Variants in OR52A5 observed in about 807,000 individuals in gnomAD.
OR52A5 encodes olfactory receptor 52A5.
Under a neutral mutation model 18.2 loss-of-function variants are expected in OR52A5, and 16 were observed. That is an observed-to-expected ratio of 0.88 (90% CI 0.60 to 1.34). OR52A5 has a LOEUF of 1.34. Ranked by LOEUF, OR52A5 falls within the 40% of genes most tolerant of loss-of-function variation. The pLI, the probability that OR52A5 is intolerant of heterozygous loss-of-function variation, is 0.00. For missense variants in OR52A5, 418 were observed against 383.0 expected (o/e 1.09, Z -0.76); for synonymous variants, 140 against 137.2 (o/e 1.02, Z -0.14).
rs578158820 is a variant in OR52A5 at position 5,136,643 on chromosome 11, C to T, written c.-61+1668G>A. On this transcript the variant is annotated intron_variant, in intron 1 of 1. Transcript: ENST00000307388. The stretch of plus-strand genomic sequence containing the variant: ...TTTATGTATGTTAAATCAAACTGGG[C>T]AGAATAAAACTGGGTATTGAGGGAA... 7.2e-5 allele frequency among the ~76,000 whole-genome samples: 11 copies of T among 152,040 alleles called. No homozygotes were observed. In the South Asian group the frequency reaches 2.3e-3, roughly 32 times the overall value.
Position 5,132,585 on chromosome 11 carries a change from G to T in OR52A5, c.58C>A (p.Pro20Thr). Residue 20 changes from proline (P) to threonine (T), a missense_variant, in exon 2 of 2, where the codon CCT (proline) becomes ACT (threonine). Physicochemically the swap from Pro to Thr is conservative, Grantham distance 38. Coordinates refer to ENST00000307388, the MANE Select transcript of OR52A5 (RefSeq NM_001005160.3). ...MPSAFILIGI[P>T]GLESVQCWIG... ...CAACACTGCACTGACTCCAGACCAG[G>T]AATCCCAATTAGTATAAACGCAGAG... The T allele has an allele frequency of 6.2e-7, 1 of 1,613,792 alleles. No individual in the cohort carries two copies. Among genetic ancestry groups the T allele is most frequent in the Non-Finnish European group, 8.5e-7 (1 of 1,179,904 alleles).
At chr11:5,137,680 T>C (rs541262031) in intron 1 of OR52A5, among the ~76,000 whole-genome samples, 1 of 152,282 alleles carries the variant, frequency 6.6e-6, no homozygotes, top group South Asian at 2.1e-4. Context: ...TAGCAGTGAA[T>C]TCTACAGAAC....
At position 5,131,541 on chromosome 11, in the gene OR52A5, A is replaced by T; in HGVS notation, c.*151T>A. 2.0e-6 allele frequency: 1 copy of T among 508,236 alleles called. No individual in the cohort carries two copies. Among genetic ancestry groups the T allele is most frequent in the Non-Finnish European group, 3.5e-6 (1 of 285,904 alleles). 31.5% of individuals were successfully genotyped at this position (508,236 alleles called of 1,614,324 possible). On this transcript the variant is annotated 3_prime_UTR_variant, in exon 2 of 2. Coordinates refer to ENST00000307388, the MANE Select transcript of OR52A5 (RefSeq NM_001005160.3). ...TAAATGATTCCAAATTTATCAAAAT[A>T]TAGATTCAAAGCAAATACTAAAAAG... is the stretch of plus-strand genomic sequence containing the variant.
chr11:5,137,631 G>A (rs1027957831), intron 1 of OR52A5, among the ~76,000 whole-genome samples: 1 of 151,678 alleles, frequency 6.6e-6, no homozygotes, highest in Admixed American at 6.6e-5. Context: ...ATAAAGGTCT[G>A]AAATCTACAT....
intron 1 of OR52A5, among the ~76,000 whole-genome samples, chr11:5,135,447 G>A (rs1043398927): frequency 6.6e-6 from 1 of 152,080 alleles, no homozygotes; most frequent in Non-Finnish European, 1.5e-5. Flanking sequence ...AAAAGTTTAA[G>A]TCCCTTCAAC....
chr11:5,134,354 T>C (rs2133524985), intron 1 of OR52A5, among the ~76,000 whole-genome samples: 1 of 152,286 alleles, frequency 6.6e-6, no homozygotes, highest in Non-Finnish European at 1.5e-5. Flanking sequence ...TTTTTCTTTT[T>C]CCCCGATATA....
chr11:5,131,430 A>C lies in OR52A5; in HGVS notation c.*262T>G. On this transcript the variant is annotated 3_prime_UTR_variant, in exon 2 of 2. Transcript: ENST00000307388. ...TTATAGTCATTGGTTGCATTACATA[A>C]GTTTTATGTTGTAGATATCGGTATT... 4.3e-6 allele frequency: 1 copy of C among 231,828 alleles called. No homozygotes were observed. Among genetic ancestry groups the C allele is most frequent in the South Asian group, 8.7e-5 (1 of 11,466 alleles). 14.4% of individuals were successfully genotyped at this position (231,828 alleles called of 1,614,324 possible). A position where few individuals can be genotyped will look rare whatever the true frequency, so the allele number is the denominator to read the frequency against.
rs1349923541 is a variant in OR52A5 at position 5,131,884 on chromosome 11, C to A, written c.759G>T (p.Gln253His). 2 of 1,614,040 alleles carry A rather than the reference C, an allele frequency of 1.2e-6. No individual in the cohort carries two copies. Among genetic ancestry groups the A allele is most frequent in the Non-Finnish European group, 1.7e-6 (2 of 1,180,048 alleles). The change falls in exon 2 of 2, where the codon CAG becomes CAT. Residue 253 changes from glutamine (Q) to histidine (H), a missense_variant. Transcript: ENST00000307388. ...AAGAGAAGAAGGCAAGAAGGTAGAA[C>A]TGTAGGAAGACACAAATGTGGGCAA... is the stretch of plus-strand genomic sequence containing the variant. The part of the protein sequence containing the change: ...TCIAHICVFL[Q>H]FYLLAFFSFF...
chr11:5,134,280 C>G (rs934905619), intron 1 of OR52A5, among the ~76,000 whole-genome samples: 1 of 152,112 alleles, frequency 6.6e-6, no homozygotes, highest in African/African-American at 2.4e-5. Context: ...TAGTGGGGGG[C>G]CAACAAGGAA....
At chr11:5,132,831 AAGTC>A (rs1846354962) in intron 1 of OR52A5, 129 bp from the exon 2 acceptor site, 1 of 451,410 alleles carries the variant, frequency 2.2e-6, no homozygotes, top group Non-Finnish European at 3.9e-6. Flanking sequence ...TCCTTTACCA[AAGTC>A]ACTGAAAGAC....
rs1846325663 is a variant in OR52A5 at position 5,130,445 on chromosome 11, A to G, written c.*1247T>C. The G allele has an allele frequency of 6.6e-6, 1 of 151,994 alleles. No homozygotes were observed. The highest frequency in any genetic ancestry group is 1.5e-5 in the Non-Finnish European group (1 of 67,944). 9.4% of individuals were successfully genotyped at this position (151,994 alleles called of 1,614,324 possible). On this transcript the variant is annotated 3_prime_UTR_variant, in exon 2 of 2. Coordinates refer to ENST00000307388, the MANE Select transcript of OR52A5 (RefSeq NM_001005160.3). ...ATTCATTCTGCGTTATTAATGGCAC[A>G]ACCACTGAAATATTTAATGCTCTAA...
At position 5,131,458 on chromosome 11, in the gene OR52A5, T is replaced by A. The variant is rs1027369417; in HGVS notation, c.*234A>T. On this transcript the variant is annotated 3_prime_UTR_variant, in exon 2 of 2. Coordinates refer to ENST00000307388, the MANE Select transcript of OR52A5 (RefSeq NM_001005160.3). Reference sequence around the variant, plus strand: ...TTTATGTTGTAGATATCGGTATTACTGATTTCATATTATTTTTATATTGAT... The same window carrying A: ...TTTATGTTGTAGATATCGGTATTACAGATTTCATATTATTTTTATATTGAT... The A allele has an allele frequency of 4.7e-5, 14 of 297,442 alleles. No individual in the cohort carries two copies. Among genetic ancestry groups the A allele is most frequent in the African/African-American group, 3.0e-4 (14 of 47,238 alleles). The allele number at this position is 297,442 out of a possible 1,614,324, so 18.4% of individuals were successfully genotyped here.
intron 1 of OR52A5, among the ~76,000 whole-genome samples, chr11:5,135,972 A>G (rs549967289): frequency 6.6e-6 from 1 of 152,288 alleles, no homozygotes; most frequent in South Asian, 2.1e-4. Context: ...TTGTTGACAT[A>G]TATACTGGGC....
chr11:5,130,172 T>G lies in OR52A5; in HGVS notation c.*1520A>C, dbSNP rs1434565173. ...ATTTTCTGTTGATTTTTTTCCAATA[T>G]GGGTGTTTTGTCTATTTTCATTTAT... is the stretch of plus-strand genomic sequence containing the variant. On this transcript the variant is annotated 3_prime_UTR_variant, in exon 2 of 2. Coordinates refer to ENST00000307388, the MANE Select transcript of OR52A5 (RefSeq NM_001005160.3). 1 of 152,130 alleles carries G rather than the reference T, an allele frequency of 6.6e-6. No homozygotes were observed. The highest frequency in any genetic ancestry group is 1.5e-5 in the Non-Finnish European group (1 of 68,016). 9.4% of individuals were successfully genotyped at this position (152,130 alleles called of 1,614,324 possible). A position where few individuals can be genotyped will look rare whatever the true frequency, so the allele number is the denominator to read the frequency against.
At chr11:5,135,720 T>C (rs753807621) in intron 1 of OR52A5, among the ~76,000 whole-genome samples, 13 of 152,210 alleles carry the variant, frequency 8.5e-5, no homozygotes, top group Non-Finnish European at 1.8e-4. Context: ...AATTGCCAGT[T>C]AGAAAAATTT....
rs1846313318 is a variant in OR52A5 at position 5,129,327 on chromosome 11, T to C, written c.*2365A>G. 1.3e-5 allele frequency: 2 copies of C among 152,122 alleles called. No individual in the cohort carries two copies. The highest frequency in any genetic ancestry group is 6.6e-5 in the Admixed American group (1 of 15,254). The allele number at this position is 152,122 out of a possible 1,614,324, so 9.4% of individuals were successfully genotyped here. On this transcript the variant is annotated 3_prime_UTR_variant, in exon 2 of 2. Coordinates refer to ENST00000307388, the MANE Select transcript of OR52A5 (RefSeq NM_001005160.3). ...GAGGCTCGTATTGTTAGCCCCATTG[T>C]AGAGAAGAGGAAATAACATGCCCAG...
chr11:5,137,550 G>A (rs1410484692), intron 1 of OR52A5, among the ~76,000 whole-genome samples: 1 of 149,032 alleles, frequency 6.7e-6, no homozygotes, highest in Non-Finnish European at 1.5e-5. Context: ...GTGCCACATC[G>A]CAGGACAGCT....
chr11:5,132,324 G>A lies in OR52A5; in HGVS notation c.319C>T (p.His107Tyr). Reference protein sequence around the residue: ...DACLFQMWLIHSFQAIESGIL... With the variant: ...DACLFQMWLIYSFQAIESGIL... The stretch of plus-strand genomic sequence containing the variant: ...CCCGATTCAATTGCCTGGAATGAGT[G>A]AATAAGCCACATTTGAAAAAGACAG... The change falls in exon 2 of 2, where the codon CAC becomes TAC. Residue 107 changes from histidine to tyrosine, a missense_variant. His to Tyr is a moderately conservative substitution (Grantham distance 83). Transcript: ENST00000307388. 1.2e-6 allele frequency: 2 copies of A among 1,614,158 alleles called. No homozygotes were observed. Among genetic ancestry groups the A allele is most frequent in the South Asian group, 1.1e-5 (1 of 91,076 alleles).
At position 5,128,961 on chromosome 11, in the gene OR52A5, G is replaced by A. The variant is rs772070986; in HGVS notation, c.*2731C>T. 3.3e-5 allele frequency: 5 copies of A among 151,924 alleles called. No homozygotes were observed. Among genetic ancestry groups the A allele is most frequent in the Non-Finnish European group, 7.4e-5 (5 of 67,968 alleles). 9.4% of individuals were successfully genotyped at this position (151,924 alleles called of 1,614,324 possible). A position where few individuals can be genotyped will look rare whatever the true frequency, so the allele number is the denominator to read the frequency against. On this transcript the variant is annotated 3_prime_UTR_variant, in exon 2 of 2. Coordinates refer to ENST00000307388, the MANE Select transcript of OR52A5 (RefSeq NM_001005160.3). Reference sequence around the variant, plus strand: ...TCATCAAATTGCATACTTTAAAATTGCAAATATTATGGCATGTGAATTCCA... The same window carrying A: ...TCATCAAATTGCATACTTTAAAATTACAAATATTATGGCATGTGAATTCCA...
Sources: allele counts gnomAD v4.1 joint callset (sites outside exome capture counted in the v4.1 genomes callset), GRCh38; gene constraint gnomAD v4.1.1; transcripts MANE v1.5; gene names NCBI Gene and HGNC (gene_info 2026-07-23, HGNC 2026-07-21).